The following TPR variants were observed in gnomAD, a reference collection of about 807,000 sequenced individuals.
The protein encoded by TPR is nucleoprotein TPR.
Under a neutral mutation model 316.1 loss-of-function variants are expected in TPR, and 51 were observed. The ratio of observed to expected loss-of-function variants is 0.16; its 90% CI spans 0.13 to 0.20. TPR has a LOEUF of 0.20. Ranked by LOEUF, TPR falls within the 10% of genes least tolerant of loss-of-function variation. The pLI is 1.00. For synonymous variants in TPR, 981 were observed against 914.7 expected, an observed-to-expected ratio of 1.07 and a Z score of -1.31; for missense variants, 2,272 against 2,754.8, an observed-to-expected ratio of 0.82 and a Z score of 3.92.
At chr1:186,360,222 T>G in intron 11 of TPR, 51 bp downstream of exon 11, 1 of 1,568,456 alleles carries the variant, frequency 6.4e-7, no homozygotes, top group African/African-American at 1.4e-5. Context: ...AAGAGATTTG[T>G]ATACATTTGC....
Position 186,322,356 on chromosome 1 carries a change from C to T in TPR, c.6423G>A (p.Val2141=). ...DRTVPSTPTL[V]VPHRTDGFAE... ...CAAATCCATCAGTACGATGTGGCAC[C>T]ACAAGAGTTGGAGTACTTGGAACTG... Residue 2141 remains valine (V), a synonymous_variant, in exon 45 of 51, where the codon GTG becomes GTA. Transcript: ENST00000367478. 2 of 1,613,164 alleles carry T rather than the reference C, an allele frequency of 1.2e-6. No individual in the cohort carries two copies. The highest frequency in any genetic ancestry group is 1.7e-6 in the Non-Finnish European group (2 of 1,179,746).
intron 30 of TPR, 112 bp from the exon 31 acceptor site, chr1:186,338,355 T>C: frequency 1.2e-6 from 1 of 856,964 alleles, no homozygotes; most frequent in Non-Finnish European, 1.7e-6. Context: ...TTTTTGAAAA[T>C]CCTAAAAAAT....
chr1:186,317,445 T>C, intron 49 of TPR, 37 bp downstream of exon 49: 1 of 1,505,306 alleles, frequency 6.6e-7, no homozygotes. Flanking sequence ...AAGTTTGATG[T>C]ATAAAAACTG....
rs1657440167 is a variant in TPR at position 186,313,543 on chromosome 1, A to G, written c.*428T>C. ...AGGCAATTGTTTTTCTTTTTGTTATAAAGTTCAAATTAATTAGTAAAAACA... is the reference window on the plus strand; with the variant it reads ...AGGCAATTGTTTTTCTTTTTGTTATGAAGTTCAAATTAATTAGTAAAAACA... On this transcript the variant is annotated 3_prime_UTR_variant, in exon 51 of 51. Coordinates refer to ENST00000367478, the MANE Select transcript of TPR (RefSeq NM_003292.3). 5 of 603,584 alleles carry G rather than the reference A, an allele frequency of 8.3e-6. No individual in the cohort carries two copies. The South Asian group carries it at 1.1e-4, about 13-fold the overall frequency. 37.4% of individuals were successfully genotyped at this position (603,584 alleles called of 1,614,324 possible).
In TPR at chr1:186,336,481, T is replaced by C; in HGVS notation, c.4705+15A>G. Reference sequence around the variant, plus strand: ...AACTTTCACTACCAAGTTCAAACTTTAAACAGATATTTACCAGCTAAGTGT... The same window carrying C: ...AACTTTCACTACCAAGTTCAAACTTCAAACAGATATTTACCAGCTAAGTGT... On this transcript the variant is annotated intron_variant, in intron 33 of 50. Transcript: ENST00000367478. 3 of 1,612,810 alleles carry C rather than the reference T, an allele frequency of 1.9e-6. No individual in the cohort carries two copies. The highest frequency in any genetic ancestry group is 2.7e-5 in the African/African-American group (2 of 75,028).
chr1:186,347,192 C>A, intron 22 of TPR, 100 bp downstream of exon 22: 1 of 1,303,526 alleles, frequency 7.7e-7, no homozygotes, highest in Non-Finnish European at 1.1e-6. Flanking sequence ...TGACCCTGGT[C>A]TAATTCATAC....
intron 40 of TPR, among the ~76,000 whole-genome samples, chr1:186,326,470 A>G (rs1032110903): frequency 4.6e-5 from 7 of 152,148 alleles, no homozygotes; most frequent in Non-Finnish European, 1.5e-5. Flanking sequence ...GATTGCTCAA[A>G]GATAATATAG....
rs1658612574 is a variant in TPR, at chr1:186,344,367, A to G, written c.3417+8T>C. 1 of 1,611,970 alleles carries G rather than the reference A, an allele frequency of 6.2e-7. No homozygotes were observed. Among genetic ancestry groups the G allele is most frequent in the Admixed American group, 1.7e-5 (1 of 59,620 alleles). ...AACAGAACATTCTATTCAGATTTACAATAATACCTTTAACATTCTCTCTCT... is the reference window on the plus strand; with the variant it reads ...AACAGAACATTCTATTCAGATTTACGATAATACCTTTAACATTCTCTCTCT... On this transcript the variant is annotated splice_region_variant and intron_variant, in intron 25 of 50. Coordinates refer to ENST00000367478, the MANE Select transcript of TPR (RefSeq NM_003292.3).
At position 186,343,950 on chromosome 1, in the gene TPR, G is replaced by C; in HGVS notation, c.3558C>G (p.Leu1186=). The change falls in exon 26 of 51, where the codon CTC becomes CTG. Residue 1186 remains leucine (L), a synonymous_variant. Transcript: ENST00000367478. ...GTTCTTGAGATTTTCCTTCTTCACT[G>C]AGAGATACATTCAGTGGACCTTGTA... The part of the protein sequence containing the change: ...EGVQGPLNVS[L]SEEGKSQEQI... 2 of 1,613,584 alleles carry C rather than the reference G, an allele frequency of 1.2e-6. No individual in the cohort carries two copies. Among genetic ancestry groups the C allele is most frequent in the Non-Finnish European group, 1.7e-6 (2 of 1,179,796 alleles).
At chr1:186,363,090 G>C (rs1440594001) in intron 5 of TPR, 89 bp from the exon 6 acceptor site, 5 of 1,359,286 alleles carry the variant, frequency 3.7e-6, no homozygotes, top group Non-Finnish European at 4.9e-6. Context: ...GACACAAGCA[G>C]AATTTTATTT....
chr1:186,355,170 G>A (rs1265616539), intron 17 of TPR, among the ~76,000 whole-genome samples: 13 of 152,086 alleles, frequency 8.5e-5, no homozygotes, highest in Non-Finnish European at 1.2e-4. Context: ...TTCCCAAAGT[G>A]CTGGGATTAC....
intron 4 of TPR, among the ~76,000 whole-genome samples, chr1:186,364,799 G>C (rs1659289021): frequency 6.6e-6 from 1 of 152,122 alleles, no homozygotes; most frequent in Non-Finnish European, 1.5e-5. Flanking sequence ...TACTATTCTG[G>C]AAAAAACAAT....
Position 186,361,848 on chromosome 1 carries a change from T to A in TPR, c.811A>T (p.Met271Leu), listed in dbSNP as rs200918816. 7.9e-5 allele frequency: 127 copies of A among 1,613,042 alleles called. 3 individuals are homozygous for A. In the Admixed American group the frequency reaches 2.1e-3, roughly 26 times the overall value. The change falls in exon 8 of 51, where the codon ATG becomes TTG. Residue 271 changes from methionine (M) to leucine (L), a missense_variant. This residue lies in a region of TPR where 549 missense variants were observed against 598.6 expected (regional missense o/e 0.92). Transcript: ENST00000367478. ...AATTCATTGTGGAATTTCTCTTCCA[T>A]ACTGGCCTGTTGTTCCTTGGCCTGA... ...LKEAKEQQAS[M>L]EEKFHNELNA...
chr1:186,344,128 A>T, intron 25 of TPR, 38 bp from the exon 26 acceptor site: 2 of 1,576,772 alleles, frequency 1.3e-6, no homozygotes, highest in African/African-American at 2.7e-5. Flanking sequence ...CAGATTTTCC[A>T]ATGCATATTT....
At chr1:186,360,977 C>T (rs995007778) in intron 9 of TPR, 72 bp from the exon 10 acceptor site, 2 of 1,456,418 alleles carry the variant, frequency 1.4e-6, no homozygotes, top group African/African-American at 2.8e-5. Context: ...TGCAACAGAT[C>T]AGTCACTTCT....
chr1:186,343,185 T>C (rs561338636), intron 27 of TPR, 141 bp downstream of exon 27: 2 of 1,174,152 alleles, frequency 1.7e-6, no homozygotes. Flanking sequence ...ATATTAGTGT[T>C]TAACAAATGC....
At chr1:186,369,861 G>A (rs186665342) in intron 3 of TPR, among the ~76,000 whole-genome samples, 28 of 152,042 alleles carry the variant, frequency 1.8e-4, no homozygotes, top group Non-Finnish European at 3.4e-4. Context: ...CAGCCACCAA[G>A]CAGTTAAATA....
rs758395497 is a variant in TPR, at chr1:186,356,397, G to C, written c.1777C>G (p.Leu593Val). ...ATTTGATGCTGTCGTGATTTGCGGA[G>C]TTGTTCTAGTTCAGTAAGGGCACTC... The part of the protein sequence containing the change: ...LESALTELEQ[L>V]RKSRQHQMQL... Residue 593 changes from leucine (L) to valine (V), a missense_variant, in exon 15 of 51, where the codon CTC (leucine) becomes GTC (valine). Coordinates refer to ENST00000367478, the MANE Select transcript of TPR (RefSeq NM_003292.3). 2 of 1,613,888 alleles carry C rather than the reference G, an allele frequency of 1.2e-6. No individual in the cohort carries two copies. The highest frequency in any genetic ancestry group is 2.2e-5 in the South Asian group (2 of 91,034).
chr1:186,319,429 G>A (rs1657709010), intron 46 of TPR, among the ~76,000 whole-genome samples: 1 of 151,176 alleles, frequency 6.6e-6, no homozygotes, highest in African/African-American at 2.4e-5. Flanking sequence ...TAATTACAAA[G>A]TAATTAACAA....
Sources: gnomAD v4.1 joint callset for allele counts (sites outside exome capture counted in the v4.1 genomes callset) on GRCh38, gnomAD v4.1.1 for gene constraint, gnomAD v4.1.1 regional missense constraint, MANE v1.5 for transcripts, NCBI Gene and HGNC (gene_info 2026-07-23, HGNC 2026-07-21) for gene names.